Variants in INPP4B observed in about 807,000 individuals in gnomAD.
The protein encoded by INPP4B is inositol polyphosphate 4-phosphatase type II.
In INPP4B, 55 loss-of-function variants were observed where a neutral mutation model predicts 122.5. The ratio of observed to expected loss-of-function variants is 0.45; its 90% CI spans 0.36 to 0.56. INPP4B has a LOEUF of 0.56. Ranked by LOEUF, INPP4B falls within the 20% of genes least tolerant of loss-of-function variation. The pLI is 0.00. For missense variants in INPP4B, 1,000 were observed against 1,097.7 expected, an observed-to-expected ratio of 0.91 and a Z score of 1.26; for synonymous variants, 403 against 388.7, an observed-to-expected ratio of 1.04 and a Z score of -0.43.
intron 14 of INPP4B, among the ~76,000 whole-genome samples, chr4:142,204,695 T>G (rs1841967153): frequency 6.6e-6 from 1 of 151,920 alleles, no homozygotes; most frequent in Admixed American, 6.6e-5. Flanking sequence ...GAAACAGACA[T>G]ACATAGAGGG....
intron 2 of INPP4B, among the ~76,000 whole-genome samples, chr4:142,598,995 T>C (rs560609523): frequency 1.9e-4 from 29 of 152,264 alleles, no homozygotes; most frequent in Admixed American, 5.9e-4. Flanking sequence ...CCCTACTTTG[T>C]ATAGTGTTGT....
intron 21 of INPP4B, among the ~76,000 whole-genome samples, chr4:142,117,060 A>G (rs1793928741): frequency 6.6e-6 from 1 of 152,218 alleles, no homozygotes; most frequent in South Asian, 2.1e-4. Flanking sequence ...TAGAAAATCT[A>G]GAAGAAATGG....
chr4:142,640,664 G>A (rs1750189024), intron 2 of INPP4B, among the ~76,000 whole-genome samples: 1 of 151,746 alleles, frequency 6.6e-6, no homozygotes, highest in African/African-American at 2.4e-5. Context: ...AGACAGTAAA[G>A]AGGCAAGTCA....
intron 1 of INPP4B, among the ~76,000 whole-genome samples, chr4:142,727,908 G>A (rs978935258): frequency 6.6e-6 from 1 of 152,148 alleles, no homozygotes; most frequent in African/African-American, 2.4e-5. Context: ...CAGAATAGCT[G>A]AACTTGTGCA....
intron 2 of INPP4B, among the ~76,000 whole-genome samples, chr4:142,625,757 A>T (rs1399800935): frequency 6.6e-6 from 1 of 152,162 alleles, no homozygotes; most frequent in East Asian, 1.9e-4. Context: ...AGTAACCAAA[A>T]CAGCATGGTA....
chr4:142,538,993 T>A (rs569421798), intron 2 of INPP4B, among the ~76,000 whole-genome samples: 3 of 151,604 alleles, frequency 2.0e-5, no homozygotes, highest in Non-Finnish European at 4.4e-5. Flanking sequence ...CAAATATTTG[T>A]ACAAGACAAT....
At position 142,323,943 on chromosome 4, in the gene INPP4B, A is replaced by T. The variant is rs111897799; in HGVS notation, c.373-9181T>A. On this transcript the variant is annotated intron_variant, in intron 7 of 25. Transcript: ENST00000262992. ...GTACAATTCAGTGTCATTGGCTGAA[A>T]TGTGTTTCTCCAATATTCATATATT... Among the ~76,000 whole-genome samples the T allele has an allele frequency of 4.2e-3, 642 of 152,168 alleles. 8 individuals carry two copies. Among genetic ancestry groups the T allele is most frequent in the African/African-American group, 0.014 (594 of 41,500 alleles).
At chr4:142,739,263 G>A (rs544771846) in intron 1 of INPP4B, among the ~76,000 whole-genome samples, 4 of 152,146 alleles carry the variant, frequency 2.6e-5, no homozygotes, top group East Asian at 1.9e-4. Context: ...TAGAAATTAT[G>A]AAATTTCTTT....
chr4:142,678,019 A>C (rs1015097380), intron 2 of INPP4B, among the ~76,000 whole-genome samples: 4 of 151,838 alleles, frequency 2.6e-5, no homozygotes, highest in African/African-American at 9.7e-5. Flanking sequence ...AAGAAAAGTA[A>C]CTTTAAAAAA....
chr4:142,277,279 A>G (rs914904630), intron 9 of INPP4B, among the ~76,000 whole-genome samples: 7 of 113,138 alleles, frequency 6.2e-5, no homozygotes, highest in African/African-American at 1.7e-4. Flanking sequence ...CTCCCACTCT[A>G]TGGGTTGTCT....
chr4:142,660,943 T>C (rs7672937), intron 2 of INPP4B: 84 of 152,396 alleles, frequency 5.5e-4, no homozygotes, highest in African/African-American at 2.0e-3. Flanking sequence ...TTATCCTTAA[T>C]CTAACCACAG....
chr4:142,258,763 A>C (rs958867586), intron 11 of INPP4B, among the ~76,000 whole-genome samples: 1 of 152,186 alleles, frequency 6.6e-6, no homozygotes, highest in Non-Finnish European at 1.5e-5. Context: ...GTGGGACTGT[A>C]AACTAGTTCA....
intron 11 of INPP4B, among the ~76,000 whole-genome samples, chr4:142,251,507 T>C (rs1732032883): frequency 6.6e-6 from 1 of 152,198 alleles, no homozygotes; most frequent in East Asian, 1.9e-4. Context: ...CAGATGCTTT[T>C]AGGATGTATG....
intron 1 of INPP4B, among the ~76,000 whole-genome samples, chr4:142,761,610 A>G (rs1279318622): frequency 1.3e-5 from 2 of 152,192 alleles, no homozygotes; most frequent in African/African-American, 4.8e-5. Context: ...AGCCCAACCT[A>G]TAATAGAAAA....
chr4:142,188,512 A>ATATATATAT lies in INPP4B; in HGVS notation c.1181+4574_1181+4575insATATATATA, dbSNP rs1188321189. Among the ~76,000 whole-genome samples the ATATATATAT allele has an allele frequency of 5.5e-3, 181 of 32,710 alleles. 1 individual carries two copies. The highest frequency in any genetic ancestry group is 0.024 in the Middle Eastern group (1 of 42). The allele number at this position is 32,710 out of a possible 152,430, so 21.5% of individuals were successfully genotyped here. ...AAAAAAAAAAAAAAAAAAAAAAAAG[A>ATATATATAT]AAAAAAATATATATAGCTTGACTTA... On this transcript the variant is annotated intron_variant, in intron 15 of 25. Transcript: ENST00000262992.
intron 15 of INPP4B, among the ~76,000 whole-genome samples, chr4:142,180,180 T>C (rs1830155717): frequency 6.6e-6 from 1 of 152,200 alleles, no homozygotes; most frequent in South Asian, 2.1e-4. Flanking sequence ...TCTGTAAACT[T>C]ACTAAAAATC....
intron 2 of INPP4B, among the ~76,000 whole-genome samples, chr4:142,611,510 C>T (rs116176985): frequency 0.018 from 2,697 of 151,388 alleles, 85 homozygotes; most frequent in African/African-American, 0.061. Context: ...TTTTATCTGG[C>T]CTAACATTAA....
intron 7 of INPP4B, among the ~76,000 whole-genome samples, chr4:142,353,319 G>A (rs1782518884): frequency 2.0e-5 from 3 of 151,940 alleles, no homozygotes. Flanking sequence ...TCTAGGGGGA[G>A]CGCTAGGCTC....
intron 11 of INPP4B, among the ~76,000 whole-genome samples, chr4:142,247,502 CT>C (rs1244187439): frequency 6.6e-6 from 1 of 151,170 alleles, no homozygotes; most frequent in Non-Finnish European, 1.5e-5. Context: ...GGACTCAATC[CT>C]TCTGGTTTAG....
Sources: gnomAD v4.1 joint callset for allele counts (sites outside exome capture counted in the v4.1 genomes callset) on GRCh38, gnomAD v4.1.1 for gene constraint, MANE v1.5 for transcripts, NCBI Gene and HGNC (gene_info 2026-07-23, HGNC 2026-07-21) for gene names.